Variants in IL1RAPL2 observed in about 807,000 individuals in gnomAD.
The protein encoded by IL1RAPL2 is interleukin 1 receptor accessory protein like 2.
Under a neutral mutation model 44.1 loss-of-function variants are expected in IL1RAPL2, and 3 were observed. The ratio of observed to expected loss-of-function variants is 0.07; its 90% CI spans 0.03 to 0.18. The LOEUF (loss-of-function observed/expected upper bound fraction) is 0.18. IL1RAPL2 is among the 10% of genes least tolerant of loss of function. IL1RAPL2 has a pLI of 1.00. For synonymous variants in IL1RAPL2, 181 were observed against 178.8 expected (o/e 1.01, Z -0.10); for missense variants, 391 against 496.4 (o/e 0.79, Z 2.02).
intron 2 of IL1RAPL2, among the ~76,000 whole-genome samples, chrX:104,888,236 C>CAG (rs201487810): frequency 0.023 from 2,070 of 88,440 alleles, 28 homozygotes; most frequent in African/African-American, 0.053. Flanking sequence ...GACAGAAAGT[C>CAG]AGAGAGAGAG....
chrX:104,729,381 A>G (rs777346089), intron 2 of IL1RAPL2, among the ~76,000 whole-genome samples: 175 of 108,680 alleles, frequency 1.6e-3, no homozygotes, highest in Non-Finnish European at 2.6e-3. Context: ...GAATTTTAAC[A>G]TGGGAGCAAT....
At chrX:105,201,656 T>C (rs1023418828) in intron 3 of IL1RAPL2, among the ~76,000 whole-genome samples, 2 of 111,781 alleles carry the variant, frequency 1.8e-5, no homozygotes, top group Admixed American at 9.5e-5. Context: ...GAAATGGCTC[T>C]TAGCACCTTC....
intron 1 of IL1RAPL2, among the ~76,000 whole-genome samples, chrX:104,567,980 A>G (rs1022521760): frequency 8.9e-6 from 1 of 112,551 alleles, no homozygotes; most frequent in Non-Finnish European, 1.9e-5. Flanking sequence ...TAGAGACATT[A>G]GTAAACAAGT....
intron 5 of IL1RAPL2, among the ~76,000 whole-genome samples, chrX:105,324,971 G>C (rs917634123): frequency 1.4e-4 from 16 of 112,010 alleles, no homozygotes; most frequent in Non-Finnish European, 2.8e-4. Context: ...GGGAAAATGT[G>C]AGTCTGAGTT....
intron 3 of IL1RAPL2, among the ~76,000 whole-genome samples, chrX:105,197,257 C>A (rs2147613150): frequency 9.0e-6 from 1 of 110,853 alleles, no homozygotes; most frequent in Non-Finnish European, 1.9e-5. Flanking sequence ...TGTAATTCAG[C>A]TTTAGTGACT....
intron 2 of IL1RAPL2, among the ~76,000 whole-genome samples, chrX:105,084,898 C>A (rs2147551075): frequency 9.0e-6 from 1 of 111,489 alleles, no homozygotes; most frequent in South Asian, 3.8e-4. Flanking sequence ...ATCATGGAGG[C>A]AGTGTTCCCT....
At chrX:105,483,508 ATCT>A (rs767325456) in intron 5 of IL1RAPL2, among the ~76,000 whole-genome samples, 25 of 111,107 alleles carry the variant, frequency 2.3e-4, no homozygotes, top group African/African-American at 6.2e-4. Context: ...GCCTTTCCAA[ATCT>A]TCTCCACTCT....
intron 1 of IL1RAPL2, among the ~76,000 whole-genome samples, chrX:104,578,862 G>A (rs1928289932): frequency 9.0e-6 from 1 of 111,011 alleles, no homozygotes; most frequent in Non-Finnish European, 1.9e-5. Context: ...GTTCAAGAAA[G>A]GAAATGAAAT....
At chrX:105,694,922 C>T (rs1158066119) in intron 6 of IL1RAPL2, among the ~76,000 whole-genome samples, 1 of 111,102 alleles carries the variant, frequency 9.0e-6, no homozygotes, top group African/African-American at 3.3e-5. Flanking sequence ...GAAAAATGAC[C>T]TTTAAGGCAT....
intron 1 of IL1RAPL2, among the ~76,000 whole-genome samples, chrX:104,585,345 ATATATATT>A (rs1928524653): frequency 8.3e-5 from 1 of 11,986 alleles, no homozygotes; most frequent in Non-Finnish European, 1.1e-4. Context: ...ATTATATATT[ATATATATT>A]ATATATATTA....
At chrX:105,506,879 T>C (rs2036434850) in intron 6 of IL1RAPL2, among the ~76,000 whole-genome samples, 1 of 112,069 alleles carries the variant, frequency 8.9e-6, no homozygotes, top group Non-Finnish European at 1.9e-5. Flanking sequence ...TACATCTGCT[T>C]TGTACATAGT....
intron 5 of IL1RAPL2, among the ~76,000 whole-genome samples, chrX:105,315,875 C>A (rs2034836778): frequency 9.2e-6 from 1 of 108,410 alleles, no homozygotes; most frequent in Non-Finnish European, 1.9e-5. Context: ...AATTTGTTTT[C>A]TGTTGTGCAT....
intron 2 of IL1RAPL2, among the ~76,000 whole-genome samples, chrX:104,734,553 C>T (rs1931979786): frequency 8.9e-6 from 1 of 111,914 alleles, no homozygotes; most frequent in Middle Eastern, 4.6e-3. Flanking sequence ...CAAAAGGCTG[C>T]ATATTGTATC....
chrX:104,605,731 A>T (rs779362384), intron 1 of IL1RAPL2, among the ~76,000 whole-genome samples: 2 of 112,251 alleles, frequency 1.8e-5, no homozygotes, highest in East Asian at 5.6e-4. Flanking sequence ...GAAATGGATA[A>T]ATTCCTGGAC....
At chrX:105,431,041 A>G (rs2035843882) in intron 5 of IL1RAPL2, among the ~76,000 whole-genome samples, 1 of 112,351 alleles carries the variant, frequency 8.9e-6, no homozygotes, top group Non-Finnish European at 1.9e-5. Flanking sequence ...AGTAAAACTT[A>G]TTTAGTAAAA....
intron 2 of IL1RAPL2, among the ~76,000 whole-genome samples, chrX:105,051,386 A>T (rs2031922595): frequency 8.9e-6 from 1 of 112,942 alleles, no homozygotes; most frequent in African/African-American, 3.2e-5. Flanking sequence ...GCTTCTGCTC[A>T]GCCAACTCAG....
intron 2 of IL1RAPL2, among the ~76,000 whole-genome samples, chrX:104,914,644 C>A: frequency 9.1e-6 from 1 of 110,427 alleles, no homozygotes; most frequent in Admixed American, 9.7e-5. Context: ...TATACATGTG[C>A]CATGCTGGTG....
intron 2 of IL1RAPL2, among the ~76,000 whole-genome samples, chrX:105,144,311 T>C (rs1218858210): frequency 9.0e-6 from 1 of 111,303 alleles, no homozygotes; most frequent in Non-Finnish European, 1.9e-5. Context: ...GATTATTCTT[T>C]ACTATGATTT....
intron 6 of IL1RAPL2, among the ~76,000 whole-genome samples, chrX:105,680,317 A>C (rs1178517286): frequency 1.8e-5 from 2 of 112,015 alleles, no homozygotes; most frequent in African/African-American, 3.2e-5. Flanking sequence ...TTTCTTTTTA[A>C]GGTTCTCAAA....
Sources: gnomAD v4.1 joint callset for allele counts (sites outside exome capture counted in the v4.1 genomes callset) on GRCh38, gnomAD v4.1.1 for gene constraint, MANE v1.5 for transcripts, NCBI Gene and HGNC (gene_info 2026-07-23, HGNC 2026-07-21) for gene names.